Variants in BCR observed in about 807,000 individuals in gnomAD.
The protein encoded by BCR is breakpoint cluster region protein.
Under a neutral mutation model 138.6 loss-of-function variants are expected in BCR, and 58 were observed. The ratio of observed to expected loss-of-function variants is 0.42; its 90% CI spans 0.34 to 0.52. BCR has a LOEUF of 0.52. BCR is among the 20% of genes least tolerant of loss of function. The pLI is 0.06. For synonymous variants in BCR, 786 were observed against 730.1 expected, an observed-to-expected ratio of 1.08 and a Z score of -1.23; for missense variants, 1,599 against 1,727.2, an observed-to-expected ratio of 0.93 and a Z score of 1.32.
intron 2 of BCR, among the ~76,000 whole-genome samples, chr22:23,259,026 G>A (rs1328215344): frequency 6.6e-6 from 1 of 152,268 alleles, no homozygotes; most frequent in Non-Finnish European, 1.5e-5. Context: ...CCTCAGCCCG[G>A]TGGAGCACTG....
At chr22:23,203,178 A>G (rs1235222456) in intron 1 of BCR, among the ~76,000 whole-genome samples, 1 of 152,102 alleles carries the variant, frequency 6.6e-6, no homozygotes. Context: ...ATACCTTTTT[A>G]TATGAGTTTC....
At chr22:23,232,637 C>T (rs981107301) in intron 1 of BCR, among the ~76,000 whole-genome samples, 7 of 152,212 alleles carry the variant, frequency 4.6e-5, no homozygotes, top group Admixed American at 3.9e-4. Context: ...GGTTCTGGCC[C>T]AGCTGGGATG....
intron 1 of BCR, among the ~76,000 whole-genome samples, chr22:23,230,433 C>G (rs2072944038): frequency 6.6e-6 from 1 of 152,204 alleles, no homozygotes; most frequent in Admixed American, 6.5e-5. Context: ...CTCAGCCCAC[C>G]CAGTAACTTT....
intron 4 of BCR, chr22:23,264,261 C>G: frequency 1.1e-6 from 1 of 937,888 alleles, no homozygotes; most frequent in South Asian, 1.3e-5. Context: ...GACGTCGACC[C>G]GCCTCGGCAG....
Position 23,261,544 on chromosome 22 carries a change from A to T in BCR, c.1752+4A>T, listed in dbSNP as rs1223256599. 6.2e-7 allele frequency: 1 copy of T among 1,610,982 alleles called. No individual in the cohort carries two copies. The highest frequency in any genetic ancestry group is 1.3e-5 in the African/African-American group (1 of 74,888). ...GGGCGACCTCTTCCAGAAGCTGGTG[A>T]GTAACCCAGGGCCGGTGCTGGGACT... On this transcript the variant is annotated splice_donor_region_variant and intron_variant, in intron 4 of 22. Coordinates refer to ENST00000305877, the MANE Select transcript of BCR (RefSeq NM_004327.4).
chr22:23,273,264 G>T (rs2073530540), intron 7 of BCR, 131 bp downstream of exon 7: 1 of 1,004,378 alleles, frequency 1.0e-6, no homozygotes, highest in Admixed American at 2.1e-5. Context: ...CTAATGGGTA[G>T]AGGCCTGGGG....
At chr22:23,278,162 T>C (rs1208321489) in intron 8 of BCR, among the ~76,000 whole-genome samples, 2 of 152,246 alleles carry the variant, frequency 1.3e-5, no homozygotes, top group African/African-American at 4.8e-5. Context: ...CACGTGCTGC[T>C]CAGCACCCCC....
chr22:23,202,763 TTAATC>T (rs2072571352), intron 1 of BCR, among the ~76,000 whole-genome samples: 1 of 100,718 alleles, frequency 9.9e-6, no homozygotes, highest in Admixed American at 1.2e-4. Context: ...ATATATATAT[TTAATC>T]TATCATTCAT....
In BCR at chr22:23,298,429, G is replaced by C. The variant is rs375288568; in HGVS notation, c.3012+3274G>C. On this transcript the variant is annotated intron_variant, in intron 16 of 22. Transcript: ENST00000305877. ...AAGCTGGAGGGACCAGATGAGTTCC[G>C]TCAAGGAGAGTCTTTGTCACACCCC... Among the ~76,000 whole-genome samples the C allele has an allele frequency of 5.6e-4, 85 of 152,266 alleles. 2 individuals are homozygous for C. In the South Asian group the frequency reaches 0.016, roughly 29 times the overall value.
intron 1 of BCR, among the ~76,000 whole-genome samples, chr22:23,229,194 T>C (rs1321955021): frequency 6.6e-6 from 1 of 152,232 alleles, no homozygotes; most frequent in Non-Finnish European, 1.5e-5. Flanking sequence ...AATTCCTATT[T>C]GGTTCTTTTT....
chr22:23,184,423 A>G (rs2072312752), intron 1 of BCR, among the ~76,000 whole-genome samples: 1 of 152,176 alleles, frequency 6.6e-6, no homozygotes, highest in Non-Finnish European at 1.5e-5. Context: ...AGGTCACTTA[A>G]ACATTTTTAA....
chr22:23,269,213 G>C (rs573491196), intron 5 of BCR, among the ~76,000 whole-genome samples: 2 of 152,368 alleles, frequency 1.3e-5, no homozygotes, highest in African/African-American at 4.8e-5. Flanking sequence ...CCACACCCCT[G>C]GGTCTGCACT....
At chr22:23,242,352 T>TA (rs1326519663) in intron 1 of BCR, among the ~76,000 whole-genome samples, 2 of 152,162 alleles carry the variant, frequency 1.3e-5, no homozygotes, top group African/African-American at 4.8e-5. Flanking sequence ...TCTCAGGTGA[T>TA]AAGGGCTATT....
chr22:23,297,406 G>A (rs1436270364), intron 16 of BCR, among the ~76,000 whole-genome samples: 1 of 151,916 alleles, frequency 6.6e-6, no homozygotes, highest in Non-Finnish European at 1.5e-5. Flanking sequence ...TTCGGTCCTT[G>A]CAGCAGATCT....
chr22:23,261,696 T>A (rs2073358553), intron 4 of BCR, 156 bp downstream of exon 4: 2 of 710,546 alleles, frequency 2.8e-6, no homozygotes, highest in South Asian at 4.3e-5. Context: ...CCTCCCAAAG[T>A]ACTGAGATTA....
At chr22:23,182,404 C>T (rs1000413573) in intron 1 of BCR, among the ~76,000 whole-genome samples, 165 bp downstream of exon 1, 58 of 152,358 alleles carry the variant, frequency 3.8e-4, no homozygotes, top group African/African-American at 1.3e-3. Flanking sequence ...AACTCCATCC[C>T]CTCCTCCTTC....
chr22:23,196,268 G>A (rs542314816), intron 1 of BCR, among the ~76,000 whole-genome samples: 1 of 152,220 alleles, frequency 6.6e-6, no homozygotes, highest in East Asian at 1.9e-4. Flanking sequence ...AAGGTGGCTC[G>A]GACACAGTCC....
chr22:23,299,380 C>G (rs989293357), intron 16 of BCR, among the ~76,000 whole-genome samples: 5 of 152,258 alleles, frequency 3.3e-5, no homozygotes, highest in Middle Eastern at 3.4e-3. Context: ...CCAGGCACAT[C>G]ACAGACCCCC....
chr22:23,268,423 G>C lies in BCR; in HGVS notation c.1768G>C (p.Val590Leu). 6.2e-7 allele frequency: 1 copy of C among 1,612,526 alleles called. No individual in the cohort carries two copies. The highest frequency in any genetic ancestry group is 1.1e-5 in the South Asian group (1 of 90,696). Residue 590 changes from valine to leucine, a missense_variant, in exon 5 of 23, where the codon GTG becomes CTG. Around this residue, in one of 4 missense-constraint regions of BCR, gnomAD observed 590 missense variants for 762.4 expected, o/e 0.77. Coordinates refer to ENST00000305877, the MANE Select transcript of BCR (RefSeq NM_004327.4). ...TCCCCCTCAGGCCAGCCAGCTGGGT[G>C]TGTACCGGGCCTTCGTGGACAACTA... ...LFQKLASQLGVYRAFVDNYGV... is the reference protein window; with the variant it reads ...LFQKLASQLGLYRAFVDNYGV...
Sources: allele counts gnomAD v4.1 joint callset (sites outside exome capture counted in the v4.1 genomes callset), GRCh38; gene constraint gnomAD v4.1.1; regional missense constraint gnomAD v4.1.1; transcripts MANE v1.5; gene names NCBI Gene and HGNC (gene_info 2026-07-23, HGNC 2026-07-21).